GPD2: variants seen among roughly 807,000 people sequenced by gnomAD.
GPD2 encodes the protein glycerol-3-phosphate dehydrogenase, mitochondrial.
Under a neutral mutation model 82.4 loss-of-function variants are expected in GPD2, and 54 were observed. That is an observed-to-expected ratio of 0.66 (90% CI 0.53 to 0.82). The LOEUF (loss-of-function observed/expected upper bound fraction) is 0.82. Among genes scored for constraint, GPD2 ranks in the 40% least tolerant of loss-of-function variants. The probability of loss-of-function intolerance (pLI) is 0.00; values close to 1 mark genes in which losing one functional copy is unlikely to be tolerated. For missense variants in GPD2, 748 were observed against 896.2 expected (o/e 0.83, Z 2.11); for synonymous variants, 288 against 306.1 (o/e 0.94, Z 0.62).
At chr2:156,517,021 C>T (rs2105280666) in intron 6 of GPD2, among the ~76,000 whole-genome samples, 1 of 152,328 alleles carries the variant, frequency 6.6e-6, no homozygotes, top group South Asian at 2.1e-4. Context: ...CACAGTTCAT[C>T]CTAATTAAAT....
chr2:156,443,526 T>C (rs116496946), intron 1 of GPD2, among the ~76,000 whole-genome samples: 2,469 of 152,336 alleles, frequency 0.016, 25 homozygotes, highest in Middle Eastern at 0.027. Context: ...TTCAACTGGA[T>C]ACTTTAAGCT....
At chr2:156,576,220 G>T (rs905662743) in intron 13 of GPD2, among the ~76,000 whole-genome samples, 4 of 152,150 alleles carry the variant, frequency 2.6e-5, no homozygotes, top group Non-Finnish European at 4.4e-5. Flanking sequence ...CGCATTAATA[G>T]AAATCATATA....
At chr2:156,418,209 C>CGTCTCAAA in the GPD2 span, among the ~76,000 whole-genome samples, 1 of 147,016 alleles carries the variant, frequency 6.8e-6, no homozygotes, top group African/African-American at 2.4e-5. Flanking sequence ...AGCAAGACTC[C>CGTCTCAAA]GTCTCAAAAG....
intron 2 of GPD2, among the ~76,000 whole-genome samples, chr2:156,493,948 G>GTA (rs1279949126): frequency 9.3e-6 from 1 of 107,734 alleles, no homozygotes; most frequent in Non-Finnish European, 2.0e-5. Context: ...GTGTGTGTGT[G>GTA]TGTGTGTGTG....
intron 3 of GPD2, among the ~76,000 whole-genome samples, chr2:156,509,515 A>G (rs1206138581): frequency 6.6e-6 from 1 of 151,952 alleles, no homozygotes; most frequent in East Asian, 1.9e-4. Context: ...AGGCCATGAA[A>G]ACTCCTCATG....
chr2:156,582,801 T>A lies in GPD2; in HGVS notation c.2067T>A (p.Ser689Arg), dbSNP rs1424920105. ...CATATTTTCTCTTTAAGCTGATGAG[T>A]GCTATTCAAAAAGGAAGGGTATCTG... ...VELNEFLQLM[S>R]AIQKGRVSGS... The change falls in exon 17 of 17, where the codon AGT (serine) becomes AGA (arginine). Residue 689 changes from serine to arginine, a missense_variant. Physicochemically the swap from Ser to Arg is moderately radical, Grantham distance 110 (BLOSUM62 -1). Transcript: ENST00000438166. 1.2e-6 allele frequency: 2 copies of A among 1,612,806 alleles called. No individual in the cohort carries two copies. The highest frequency in any genetic ancestry group is 3.3e-5 in the Admixed American group (2 of 59,966).
chr2:156,426,180 C>A, the GPD2 span, among the ~76,000 whole-genome samples: 1 of 152,178 alleles, frequency 6.6e-6, no homozygotes, highest in Non-Finnish European at 1.5e-5. Context: ...GCCTTGGCCT[C>A]CCAAAGTGCT....
intron 6 of GPD2, among the ~76,000 whole-genome samples, chr2:156,519,538 C>CTT (rs1258700321): frequency 2.0e-5 from 3 of 152,158 alleles, no homozygotes; most frequent in Non-Finnish European, 4.4e-5. Context: ...GGCTCCTACC[C>CTT]TTTTTGTATC....
At chr2:156,525,300 C>A (rs568814188) in intron 6 of GPD2, among the ~76,000 whole-genome samples, 1 of 152,274 alleles carries the variant, frequency 6.6e-6, no homozygotes, top group South Asian at 2.1e-4. Flanking sequence ...CCTTTTGATA[C>A]CCTGTCAGTG....
At chr2:156,569,598 CAG>C in intron 11 of GPD2, 60 bp downstream of exon 11, 1 of 1,203,174 alleles carries the variant, frequency 8.3e-7, no homozygotes, top group Non-Finnish European at 1.2e-6. Context: ...CTGCCAGTGA[CAG>C]AACTGGCAGC....
intron 6 of GPD2, among the ~76,000 whole-genome samples, chr2:156,541,212 C>T (rs1452538310): frequency 6.6e-6 from 1 of 152,184 alleles, no homozygotes; most frequent in Non-Finnish European, 1.5e-5. Context: ...GGGACTTGAA[C>T]TTAAGCATAT....
At chr2:156,564,336 T>C (rs1020911990) in intron 9 of GPD2, among the ~76,000 whole-genome samples, 1 of 152,182 alleles carries the variant, frequency 6.6e-6, no homozygotes, top group African/African-American at 2.4e-5. Flanking sequence ...ATCCCAATGA[T>C]ACTTTATTCA....
chr2:156,500,362 A>G (rs1188987732), intron 3 of GPD2, among the ~76,000 whole-genome samples: 1 of 152,156 alleles, frequency 6.6e-6, no homozygotes, highest in Non-Finnish European at 1.5e-5. Flanking sequence ...ATTCCTGATC[A>G]TATCAGTGGC....
intron 1 of GPD2, among the ~76,000 whole-genome samples, chr2:156,445,167 ACT>A (rs1682327034): frequency 6.6e-6 from 1 of 152,232 alleles, no homozygotes; most frequent in Non-Finnish European, 1.5e-5. Context: ...TTTTCTAGGC[ACT>A]GTGCTGAGTA....
rs548478665 is a variant in GPD2, at chr2:156,528,971, A to T, written c.661+15475A>T. Among the ~76,000 whole-genome samples the T allele has an allele frequency of 4.4e-4, 67 of 151,846 alleles. 1 individual carries two copies. Among genetic ancestry groups the T allele is most frequent in the Admixed American group, 3.9e-3 (59 of 15,230 alleles). ...TATACCCAGTAATGGGATGGCTGGG[A>T]CAAATGGTATTTCTAGTTCTAGATC... is the stretch of plus-strand genomic sequence containing the variant. On this transcript the variant is annotated intron_variant, in intron 6 of 16. Transcript: ENST00000438166.
chr2:156,465,876 A>G (rs1683135984), intron 1 of GPD2, among the ~76,000 whole-genome samples: 1 of 152,190 alleles, frequency 6.6e-6, no homozygotes, highest in Non-Finnish European at 1.5e-5. Flanking sequence ...CATTGATAAC[A>G]TTCCTGCCTC....
chr2:156,473,715 C>T (rs1336957655), intron 1 of GPD2: 1 of 152,220 alleles, frequency 6.6e-6, no homozygotes, highest in East Asian at 1.9e-4. Context: ...AGATAGCATG[C>T]TATCTCTTGG....
At chr2:156,491,674 T>C (rs1417466077) in intron 2 of GPD2, among the ~76,000 whole-genome samples, 2 of 152,152 alleles carry the variant, frequency 1.3e-5, no homozygotes, top group African/African-American at 4.8e-5. Context: ...TCATTTCTTT[T>C]GGGTAACTAT....
At chr2:156,452,254 C>A (rs1682632365) in intron 1 of GPD2, among the ~76,000 whole-genome samples, 1 of 152,240 alleles carries the variant, frequency 6.6e-6, no homozygotes, top group South Asian at 2.1e-4. Context: ...CTCACTCCAG[C>A]CTGGGCACCA....
Sources: allele counts gnomAD v4.1 joint callset (sites outside exome capture counted in the v4.1 genomes callset), GRCh38; gene constraint gnomAD v4.1.1; transcripts MANE v1.5; gene names NCBI Gene and HGNC (gene_info 2026-07-23, HGNC 2026-07-21).